SUCLA2: variants seen among roughly 807,000 people sequenced by gnomAD.
SUCLA2 encodes the protein succinate--CoA ligase [ADP-forming] subunit beta, mitochondrial.
SUCLA2 carries 30 observed loss-of-function variants against 54.8 expected under a neutral mutation model. That is an observed-to-expected ratio of 0.55 (90% CI 0.41 to 0.74). The LOEUF (loss-of-function observed/expected upper bound fraction) is 0.74, where lower values mean the gene tolerates loss of function less well. Ranked by LOEUF, SUCLA2 falls within the 30% of genes least tolerant of loss-of-function variation. The pLI, the probability that SUCLA2 is intolerant of heterozygous loss-of-function variation, is 0.00. For missense variants in SUCLA2, 476 were observed against 562.9 expected, an observed-to-expected ratio of 0.85 and a Z score of 1.56; for synonymous variants, 172 against 188.9, an observed-to-expected ratio of 0.91 and a Z score of 0.74.
chr13:48,000,952 G>GGCC, intron 1 of SUCLA2: 3 of 1,403,526 alleles, frequency 2.1e-6, no homozygotes, highest in Non-Finnish European at 2.8e-6. Context: ...GCCACGGCCG[G>GGCC]GCCGCCGGGG....
intron 10 of SUCLA2, chr13:47,945,583 T>A (rs1270699822): frequency 6.6e-6 from 1 of 151,628 alleles, no homozygotes; most frequent in Non-Finnish European, 1.5e-5. Context: ...CTGATACACA[T>A]TATTGTTAAG....
intron 2 of SUCLA2, among the ~76,000 whole-genome samples, chr13:47,992,093 G>A (rs551181891): frequency 2.7e-4 from 41 of 152,172 alleles, no homozygotes; most frequent in African/African-American, 6.0e-4. Context: ...GTTTATATCC[G>A]AAGAAGAGAA....
intron 2 of SUCLA2, among the ~76,000 whole-genome samples, chr13:47,996,236 T>A (rs1950189562): frequency 6.9e-6 from 1 of 145,846 alleles, no homozygotes; most frequent in South Asian, 2.2e-4. Flanking sequence ...GGCAGGAGAA[T>A]CCCTTGAACC....
At chr13:47,950,013 G>A (rs976136517) in intron 8 of SUCLA2, among the ~76,000 whole-genome samples, 3 of 152,212 alleles carry the variant, frequency 2.0e-5, no homozygotes, top group East Asian at 1.9e-4. Flanking sequence ...GGAAAAGGGC[G>A]TGTTGTGTGG....
intron 6 of SUCLA2, among the ~76,000 whole-genome samples, chr13:47,961,687 A>G (rs1473698000): frequency 6.6e-6 from 1 of 151,386 alleles, no homozygotes; most frequent in East Asian, 1.9e-4. Flanking sequence ...GCATTCCAGG[A>G]TTCTACGACA....
At chr13:47,957,821 G>T (rs1001325570) in intron 6 of SUCLA2, among the ~76,000 whole-genome samples, 4 of 152,102 alleles carry the variant, frequency 2.6e-5, no homozygotes, top group East Asian at 1.9e-4. Context: ...AATTCCTAAG[G>T]AATTTTTGTT....
Position 47,988,897 on chromosome 13 carries a change from ACTC to A in SUCLA2, c.353_355del (p.Gly118del). The A allele has an allele frequency of 1.9e-6, 3 of 1,612,590 alleles. No homozygotes were observed. Among genetic ancestry groups the A allele is most frequent in the East Asian group, 2.2e-5 (1 of 44,830 alleles). On this transcript the variant is annotated inframe_deletion, in exon 3 of 11. Transcript: ENST00000646932. Reference sequence around the variant, plus strand: ...TGTGACTTACGAGAAAACTATCTTCACTCCTCCTTTGAGGCCACTTTCAAATGT... The same window carrying A: ...TGTGACTTACGAGAAAACTATCTTCACTCCTTTGAGGCCACTTTCAAATGT...
chr13:47,959,183 T>A (rs1949846481), intron 6 of SUCLA2, among the ~76,000 whole-genome samples: 1 of 152,138 alleles, frequency 6.6e-6, no homozygotes, highest in African/African-American at 2.4e-5. Flanking sequence ...TAATTTTGTT[T>A]AATTCAGAAG....
chr13:47,980,064 C>T (rs149838515), intron 4 of SUCLA2, among the ~76,000 whole-genome samples: 1 of 152,122 alleles, frequency 6.6e-6, no homozygotes, highest in African/African-American at 2.4e-5. Flanking sequence ...ATAGCCTAAT[C>T]GAGGAGGCAT....
At chr13:47,992,119 T>G (rs1467232526) in intron 2 of SUCLA2, among the ~76,000 whole-genome samples, 1 of 152,160 alleles carries the variant, frequency 6.6e-6, no homozygotes, top group Admixed American at 6.5e-5. Flanking sequence ...AGGCAAACAG[T>G]GCAAATGTAA....
chr13:47,943,756 G>GTATA lies in SUCLA2; in HGVS notation c.1318-312_1318-311insTATA, dbSNP rs760716282. Among the ~76,000 whole-genome samples, 819 of 120,480 alleles carry GTATA rather than the reference G, an allele frequency of 6.8e-3. 13 individuals are homozygous for GTATA. Among genetic ancestry groups the GTATA allele is most frequent in the East Asian group, 0.033 (147 of 4,480 alleles). The allele number at this position is 120,480 out of a possible 152,430, so 79.0% of individuals were successfully genotyped here. On this transcript the variant is annotated intron_variant, in intron 10 of 10. Transcript: ENST00000646932. ...TGTGTGTGTATGTATGTGTGTGTGT[G>GTATA]TGTGTGTGTGTATATATATATATAT...
intron 2 of SUCLA2, among the ~76,000 whole-genome samples, chr13:47,991,078 ACT>A (rs1185949583): frequency 6.6e-6 from 1 of 152,094 alleles, no homozygotes; most frequent in African/African-American, 2.4e-5. Flanking sequence ...TGCAGTTTAG[ACT>A]CTGATCCCAA....
intron 2 of SUCLA2, among the ~76,000 whole-genome samples, chr13:47,995,167 C>T (rs1037627505): frequency 6.6e-6 from 1 of 152,034 alleles, no homozygotes; most frequent in Non-Finnish European, 1.5e-5. Flanking sequence ...CTAGCCTGGG[C>T]AACATAGTGA....
At chr13:47,997,455 C>G (rs1022916519) in intron 1 of SUCLA2, among the ~76,000 whole-genome samples, 4 of 152,218 alleles carry the variant, frequency 2.6e-5, no homozygotes, top group African/African-American at 9.6e-5. Flanking sequence ...ATTACTCTTT[C>G]ATACACTCGA....
chr13:47,967,848 C>CAA (rs11349393), intron 6 of SUCLA2, among the ~76,000 whole-genome samples: 4 of 96,186 alleles, frequency 4.2e-5, no homozygotes, highest in Admixed American at 1.1e-4. Context: ...GACTCAGTCT[C>CAA]AAAAAAAAAA....
chr13:47,988,065 C>T (rs1950117331), intron 4 of SUCLA2: 1 of 157,916 alleles, frequency 6.3e-6, no homozygotes, highest in African/African-American at 2.4e-5. Flanking sequence ...TGTCATCCCT[C>T]AATTTACCAA....
intron 6 of SUCLA2, among the ~76,000 whole-genome samples, chr13:47,962,392 T>G (rs893540282): frequency 1.3e-5 from 2 of 152,266 alleles, no homozygotes; most frequent in Non-Finnish European, 2.9e-5. Context: ...GCTATTTTCC[T>G]AGGACTTTGA....
At chr13:47,982,941 G>A (rs990299949) in intron 4 of SUCLA2, among the ~76,000 whole-genome samples, 1 of 152,050 alleles carries the variant, frequency 6.6e-6, no homozygotes, top group African/African-American at 2.4e-5. Context: ...TCTGTGAGTC[G>A]TTCTAAGGAA....
At chr13:47,968,858 C>T (rs886917427) in intron 5 of SUCLA2, 125 bp from the exon 6 acceptor site, 5 of 1,109,952 alleles carry the variant, frequency 4.5e-6, no homozygotes, top group Non-Finnish European at 6.3e-6. Flanking sequence ...TCAAACATTA[C>T]TGAAATAGCA....
Sources: gnomAD v4.1 joint callset for allele counts (sites outside exome capture counted in the v4.1 genomes callset) on GRCh38, gnomAD v4.1.1 for gene constraint, MANE v1.5 for transcripts, NCBI Gene and HGNC (gene_info 2026-07-23, HGNC 2026-07-21) for gene names.